The following FOXJ3 variants were observed in gnomAD, a reference collection of about 807,000 sequenced individuals.
FOXJ3 encodes the protein forkhead box J3.
FOXJ3 carries 22 observed loss-of-function variants against 76.1 expected under a neutral mutation model. That is an observed-to-expected ratio of 0.29 (90% CI 0.21 to 0.41). The LOEUF (loss-of-function observed/expected upper bound fraction) is 0.41. Ranked by LOEUF, FOXJ3 falls within the 10% of genes least tolerant of loss-of-function variation. FOXJ3 has a pLI of 1.00. For synonymous variants in FOXJ3, 269 were observed against 261.2 expected, an observed-to-expected ratio of 1.03 and a Z score of -0.29; for missense variants, 613 against 762.1, an observed-to-expected ratio of 0.80 and a Z score of 2.30.
chr1:42,286,823 G>A (rs767600353), intron 2 of FOXJ3, among the ~76,000 whole-genome samples: 23 of 151,548 alleles, frequency 1.5e-4, no homozygotes, highest in Admixed American at 1.2e-3. Flanking sequence ...TAGTAGAGAC[G>A]GGGTTTCACC....
chr1:42,237,144 G>C lies in FOXJ3; in HGVS notation c.445-9178C>G, dbSNP rs1328481946. ...TAATCCCAGCACTCTCGGAGGCCGA[G>C]GGGGGTGGATCACGAGGTAAGGAGA... On this transcript the variant is annotated intron_variant, in intron 4 of 12. Transcript: ENST00000361346. 2.6e-5 allele frequency among the ~76,000 whole-genome samples: 4 copies of C among 151,952 alleles called. No homozygotes were observed. The East Asian group carries it at 5.8e-4, about 22-fold the overall frequency.
intron 7 of FOXJ3, among the ~76,000 whole-genome samples, chr1:42,196,107 T>C (rs1354938471): frequency 1.3e-5 from 2 of 152,226 alleles, no homozygotes; most frequent in African/African-American, 2.4e-5. Flanking sequence ...CTGCAGGTTA[T>C]AAAACTGCTT....
At position 42,181,812 on chromosome 1, in the gene FOXJ3, G is replaced by C. The variant is rs1646324959; in HGVS notation, c.1753+105C>G. 1.6e-6 allele frequency: 1 copy of C among 611,488 alleles called. No homozygotes were observed. The highest frequency in any genetic ancestry group is 2.8e-6 in the Non-Finnish European group (1 of 360,458). The allele number at this position is 611,488 out of a possible 1,614,324, so 37.9% of individuals were successfully genotyped here. ...CAATATTAAACTCTGGGTAATAACT[G>C]ACACACACACACACACTCTCTCTCT... is the stretch of plus-strand genomic sequence containing the variant. On this transcript the variant is annotated intron_variant, in intron 12 of 12. Coordinates refer to ENST00000361346, the MANE Select transcript of FOXJ3 (RefSeq NM_014947.5).
intron 11 of FOXJ3, among the ~76,000 whole-genome samples, chr1:42,184,405 A>C (rs1646392246): frequency 6.6e-6 from 1 of 152,162 alleles, no homozygotes; most frequent in African/African-American, 2.4e-5. Flanking sequence ...TAAAAGTCTT[A>C]ACTTTCTGTA....
chr1:42,289,680 T>TAAG (rs1322931604), intron 2 of FOXJ3, among the ~76,000 whole-genome samples: 2 of 152,150 alleles, frequency 1.3e-5, no homozygotes, highest in African/African-American at 4.8e-5. Context: ...GAATTACCTA[T>TAAG]AAGTCTTCTC....
chr1:42,286,590 T>C (rs986401959), intron 2 of FOXJ3, among the ~76,000 whole-genome samples: 1 of 152,236 alleles, frequency 6.6e-6, no homozygotes, highest in Non-Finnish European at 1.5e-5. Flanking sequence ...CATATTGTTA[T>C]CAAGTTAATA....
At chr1:42,295,497 T>C (rs984614035) in intron 2 of FOXJ3, among the ~76,000 whole-genome samples, 50 of 151,270 alleles carry the variant, frequency 3.3e-4, no homozygotes, top group African/African-American at 1.2e-3. Flanking sequence ...TTATGAATAG[T>C]GTTGAACATG....
intron 4 of FOXJ3, among the ~76,000 whole-genome samples, chr1:42,235,707 C>T (rs614254): frequency 0.18 from 26,666 of 151,908 alleles, 2,535 homozygotes; most frequent in Admixed American, 0.25. Flanking sequence ...GGATTACAGG[C>T]GCCCGCCACC....
At chr1:42,276,452 G>GT (rs903611761) in intron 3 of FOXJ3, among the ~76,000 whole-genome samples, 1 of 152,140 alleles carries the variant, frequency 6.6e-6, no homozygotes, top group African/African-American at 2.4e-5. Flanking sequence ...ATGGATAAAA[G>GT]TTTAAGAAAT....
At chr1:42,326,947 G>T (rs1475780809) in intron 1 of FOXJ3, among the ~76,000 whole-genome samples, 1 of 152,134 alleles carries the variant, frequency 6.6e-6, no homozygotes, top group Non-Finnish European at 1.5e-5. Context: ...CTAAATAACT[G>T]AGTGGCACTG....
Position 42,179,620 on chromosome 1 carries a change from A to T in FOXJ3, c.*90T>A, listed in dbSNP as rs1646276649. ...GATAACATTGGTAAAGTGATTAGCAAGTTTGTTTTCTCAACTGGATTCTCT... is the reference window on the plus strand; with the variant it reads ...GATAACATTGGTAAAGTGATTAGCATGTTTGTTTTCTCAACTGGATTCTCT... On this transcript the variant is annotated 3_prime_UTR_variant, in exon 13 of 13. Coordinates refer to ENST00000361346, the MANE Select transcript of FOXJ3 (RefSeq NM_014947.5). The T allele has an allele frequency of 2.6e-6, 2 of 756,958 alleles. No individual in the cohort carries two copies. The highest frequency in any genetic ancestry group is 2.5e-5 in the East Asian group (1 of 39,676). The allele number at this position is 756,958 out of a possible 1,614,324, so 46.9% of individuals were successfully genotyped here. A position where few individuals can be genotyped will look rare whatever the true frequency, so the allele number is the denominator to read the frequency against.
intron 9 of FOXJ3, 32 bp from the exon 10 acceptor site, chr1:42,189,436 G>T: frequency 1.4e-6 from 2 of 1,462,672 alleles, no homozygotes; most frequent in Non-Finnish European, 1.9e-6. Context: ...GTAATTCCTG[G>T]ATGGTGAAAG....
chr1:42,270,852 G>T (rs1372641836), intron 3 of FOXJ3, among the ~76,000 whole-genome samples: 6 of 152,104 alleles, frequency 3.9e-5, no homozygotes, highest in Non-Finnish European at 7.4e-5. Flanking sequence ...AGCATTCTAT[G>T]TAATTTTTAT....
chr1:42,183,953 C>T (rs1315809389), intron 11 of FOXJ3, among the ~76,000 whole-genome samples: 1 of 152,110 alleles, frequency 6.6e-6, no homozygotes, highest in African/African-American at 2.4e-5. Context: ...TGCCTTTTAT[C>T]AGTGAAGTTT....
intron 9 of FOXJ3, 155 bp from the exon 10 acceptor site, chr1:42,189,559 G>C (rs1646502210): frequency 7.1e-6 from 4 of 564,688 alleles, no homozygotes; most frequent in Non-Finnish European, 1.3e-5. Context: ...TGGGCAATCT[G>C]CTCTGTGAGA....
rs527549883 is a variant in FOXJ3 at position 42,186,076 on chromosome 1, T to C, written c.1645+2661A>G. 5.4e-4 allele frequency among the ~76,000 whole-genome samples: 82 copies of C among 152,248 alleles called. 1 individual carries two copies. The highest frequency in any genetic ancestry group is 1.8e-3 in the African/African-American group (75 of 41,504). On this transcript the variant is annotated intron_variant, in intron 11 of 12. Transcript: ENST00000361346. ...AATTAACAGCTCTCTGAAAGTCTCC[T>C]CTTGACTATACTTCTAAGAAATTAT... is the stretch of plus-strand genomic sequence containing the variant.
At chr1:42,247,326 TAAG>T (rs768301136) in intron 4 of FOXJ3, among the ~76,000 whole-genome samples, 2 of 152,188 alleles carry the variant, frequency 1.3e-5, no homozygotes, top group South Asian at 2.1e-4. Flanking sequence ...AAAAAATTTT[TAAG>T]AAGGTAAAAA....
At chr1:42,230,954 T>C (rs163851) in intron 4 of FOXJ3, among the ~76,000 whole-genome samples, 107,092 of 151,976 alleles carry the variant, frequency 0.7, 38,373 homozygotes, top group Admixed American at 0.8. Context: ...CAAGTGTGCA[T>C]TGAAGGATAA....
chr1:42,184,635 T>C (rs1016191955), intron 11 of FOXJ3, among the ~76,000 whole-genome samples: 9 of 152,058 alleles, frequency 5.9e-5, no homozygotes, highest in Admixed American at 1.3e-4. Context: ...TGTGTATTCT[T>C]GGGCATGTTG....
Sources: allele counts gnomAD v4.1 joint callset (sites outside exome capture counted in the v4.1 genomes callset), GRCh38; gene constraint gnomAD v4.1.1; transcripts MANE v1.5; gene names NCBI Gene and HGNC (gene_info 2026-07-23, HGNC 2026-07-21).